The following SMYD3 variants were observed in gnomAD, a reference collection of about 807,000 sequenced individuals.
SMYD3 encodes the protein SET and MYND domain containing 3, also known as histone-lysine N-methyltransferase SMYD3.
In SMYD3, 36 loss-of-function variants were observed where a neutral mutation model predicts 57.7. That is an observed-to-expected ratio of 0.62 (90% CI 0.48 to 0.82). The LOEUF is 0.82. SMYD3 is among the 40% of genes least tolerant of loss of function. The probability of loss-of-function intolerance (pLI) is 0.00; values close to 1 mark genes in which losing one functional copy is unlikely to be tolerated. For missense variants in SMYD3, 515 were observed against 538.8 expected (o/e 0.96, Z 0.44); for synonymous variants, 211 against 195.0 (o/e 1.08, Z -0.68).
At chr1:245,991,095 C>A (rs1300890576) in intron 5 of SMYD3, among the ~76,000 whole-genome samples, 2 of 152,182 alleles carry the variant, frequency 1.3e-5, no homozygotes, top group Non-Finnish European at 2.9e-5. Context: ...CTTATATTCA[C>A]AAAAGAGACC....
At chr1:245,821,974 T>C (rs1369752119) in intron 10 of SMYD3, among the ~76,000 whole-genome samples, 1 of 152,038 alleles carries the variant, frequency 6.6e-6, no homozygotes, top group Non-Finnish European at 1.5e-5. Flanking sequence ...TCAACCATTG[T>C]GGAAGTCAGT....
intron 5 of SMYD3, among the ~76,000 whole-genome samples, chr1:246,186,354 T>G (rs1399746923): frequency 1.3e-5 from 2 of 152,138 alleles, no homozygotes; most frequent in Non-Finnish European, 1.5e-5. Context: ...ACAACTGCAT[T>G]TTATGGACAA....
intron 10 of SMYD3, among the ~76,000 whole-genome samples, chr1:245,850,943 G>T (rs781448896): frequency 2.0e-4 from 31 of 152,152 alleles, no homozygotes; most frequent in Admixed American, 2.0e-4. Flanking sequence ...CAGCTCAGAG[G>T]ATGACAGTGT....
At chr1:246,260,430 T>G (rs1037799779) in intron 5 of SMYD3, among the ~76,000 whole-genome samples, 5 of 150,646 alleles carry the variant, frequency 3.3e-5, no homozygotes, top group African/African-American at 9.9e-5. Flanking sequence ...CCTTTTGTTG[T>G]TGTTGTTGTT....
intron 5 of SMYD3, among the ~76,000 whole-genome samples, chr1:246,152,466 T>C (rs1318992742): frequency 6.6e-6 from 1 of 152,202 alleles, no homozygotes; most frequent in African/African-American, 2.4e-5. Context: ...GCCTTGAAAC[T>C]AATGCCACCT....
intron 1 of SMYD3, among the ~76,000 whole-genome samples, chr1:246,464,006 T>C (rs1572523206): frequency 6.6e-6 from 1 of 152,244 alleles, no homozygotes; most frequent in East Asian, 1.9e-4. Flanking sequence ...ACACTTTAGA[T>C]GCCAGGCGAG....
At chr1:246,180,144 A>AAAAAAAAAAAAAAATTAGCTGGGTGTGG (rs1558293517) in intron 5 of SMYD3, among the ~76,000 whole-genome samples, 1 of 150,038 alleles carries the variant, frequency 6.7e-6, no homozygotes, top group African/African-American at 2.5e-5. Context: ...CCCATATCTA[A>AAAAAAAAAAAAAAATTAGCTGGGTGTGG]TATATCTAAT....
At chr1:246,307,866 C>T (rs2065013405) in intron 5 of SMYD3, among the ~76,000 whole-genome samples, 1 of 152,142 alleles carries the variant, frequency 6.6e-6, no homozygotes, top group Non-Finnish European at 1.5e-5. Context: ...GTCCGTCAAG[C>T]ATGAACCAGC....
In SMYD3 at chr1:246,001,766, A is replaced by G. The variant is rs185902718; in HGVS notation, c.532-71829T>C. The stretch of plus-strand genomic sequence containing the variant: ...TTTTCAGAATTGCAGACCCTACAGT[A>G]AATAACATTCACAGATGGTTCCTTT... On this transcript the variant is annotated intron_variant, in intron 5 of 11. Coordinates refer to ENST00000490107, the MANE Select transcript of SMYD3 (RefSeq NM_001167740.2). 2.9e-3 allele frequency among the ~76,000 whole-genome samples: 446 copies of G among 152,316 alleles called. 3 individuals carry two copies. The highest frequency in any genetic ancestry group is 4.8e-3 in the Non-Finnish European group (327 of 68,034).
chr1:246,208,962 G>C (rs1171314812), intron 5 of SMYD3, among the ~76,000 whole-genome samples: 2 of 152,110 alleles, frequency 1.3e-5, no homozygotes, highest in Non-Finnish European at 2.9e-5. Flanking sequence ...TTTAGATTCA[G>C]AAAATATATT....
chr1:246,435,743 AAGG>A (rs1284923569), intron 1 of SMYD3, among the ~76,000 whole-genome samples: 3 of 152,184 alleles, frequency 2.0e-5, no homozygotes, highest in African/African-American at 7.2e-5. Context: ...CAAGAATTCC[AAGG>A]AGAAGATACA....
intron 1 of SMYD3, among the ~76,000 whole-genome samples, chr1:246,489,866 G>A (rs572610693): frequency 2.6e-4 from 39 of 152,022 alleles, no homozygotes; most frequent in African/African-American, 7.2e-4. Context: ...ACAGAGTCTC[G>A]CTCTGTCACC....
chr1:245,765,139 C>A (rs931314212), intron 10 of SMYD3, among the ~76,000 whole-genome samples: 1 of 151,102 alleles, frequency 6.6e-6, no homozygotes, highest in Non-Finnish European at 1.5e-5. Context: ...GTAATCCCAG[C>A]ACTTTGGAGG....
chr1:245,816,517 T>TAAAA lies in SMYD3; in HGVS notation c.1076+41975_1076+41978dup, dbSNP rs35612835. On this transcript the variant is annotated intron_variant, in intron 10 of 11. Transcript: ENST00000490107. ...TTATGAGAGGTCCCCTTCATCTATG[T>TAAAA]AAAAAAAAAAAAAAAAAAAAAAGAG... Among the ~76,000 whole-genome samples the TAAAA allele has an allele frequency of 8.9e-4, 89 of 99,990 alleles. 2 individuals are homozygous for TAAAA. The highest frequency in any genetic ancestry group is 6.9e-3 in the Middle Eastern group (1 of 144). The allele number at this position is 99,990 out of a possible 152,430, so 65.6% of individuals were successfully genotyped here.
At chr1:246,412,714 T>G (rs896815174) in intron 1 of SMYD3, among the ~76,000 whole-genome samples, 29 of 151,902 alleles carry the variant, frequency 1.9e-4, no homozygotes, top group African/African-American at 6.3e-4. Flanking sequence ...AAAAATTAGC[T>G]GGGTGTGGTG....
chr1:245,969,068 A>T (rs2058229347), intron 5 of SMYD3, among the ~76,000 whole-genome samples: 1 of 152,236 alleles, frequency 6.6e-6, no homozygotes, highest in Non-Finnish European at 1.5e-5. Flanking sequence ...CACTCTGGTA[A>T]CACTATTTAA....
At chr1:245,815,605 T>C (rs1013635666) in intron 10 of SMYD3, among the ~76,000 whole-genome samples, 2 of 152,232 alleles carry the variant, frequency 1.3e-5, no homozygotes, top group Admixed American at 6.5e-5. Context: ...CATAGCCAGA[T>C]GGCTGGTGGT....
At chr1:246,222,951 G>T (rs145752360) in intron 5 of SMYD3, among the ~76,000 whole-genome samples, 1 of 152,294 alleles carries the variant, frequency 6.6e-6, no homozygotes, top group African/African-American at 2.4e-5. Flanking sequence ...AATGAAGTTA[G>T]TTTATTCCCT....
intron 1 of SMYD3, among the ~76,000 whole-genome samples, chr1:246,424,159 G>A (rs867036567): frequency 2.6e-5 from 4 of 152,166 alleles, no homozygotes; most frequent in South Asian, 2.1e-4. Context: ...TTTATAACAC[G>A]TACAAGTAAA....
Sources: gnomAD v4.1 joint callset for allele counts (sites outside exome capture counted in the v4.1 genomes callset) on GRCh38, gnomAD v4.1.1 for gene constraint, MANE v1.5 for transcripts, NCBI Gene and HGNC (gene_info 2026-07-23, HGNC 2026-07-21) for gene names.